The following STAG2 variants were observed in gnomAD, a reference collection of about 807,000 sequenced individuals.
The protein encoded by STAG2 is STAG2 cohesin complex component.
In STAG2, 14 loss-of-function variants were observed where a neutral mutation model predicts 108.1. That is an observed-to-expected ratio of 0.13 (90% CI 0.09 to 0.20). The LOEUF (loss-of-function observed/expected upper bound fraction) is 0.20. STAG2 is among the 10% of genes least tolerant of loss of function. STAG2 has a pLI of 1.00. For synonymous variants in STAG2, 307 were observed against 302.7 expected, an observed-to-expected ratio of 1.01 and a Z score of -0.15; for missense variants, 440 against 940.9, an observed-to-expected ratio of 0.47 and a Z score of 6.96.
chrX:124,076,070 T>C (rs2058794619), intron 25 of STAG2, among the ~76,000 whole-genome samples: 1 of 111,572 alleles, frequency 9.0e-6, no homozygotes, highest in Admixed American at 9.5e-5. Context: ...AGTAGACAAA[T>C]GTTAGGCAAG....
chrX:124,023,319 G>C lies in STAG2; in HGVS notation c.44+648G>C, dbSNP rs141499770. ...CCTTTATTTACCCACCCCCACCACT[G>C]TATTTTTTATTAGGATCTTTATGAG... is the stretch of plus-strand genomic sequence containing the variant. On this transcript the variant is annotated intron_variant, in intron 3 of 34. Coordinates refer to ENST00000371145, the MANE Select transcript of STAG2 (RefSeq NM_001042750.2). Among the ~76,000 whole-genome samples the C allele has an allele frequency of 5.7e-3, 630 of 110,709 alleles. 9 individuals are homozygous for C. Among genetic ancestry groups the C allele is most frequent in the Admixed American group, 0.042 (433 of 10,308 alleles).
chrX:123,976,637 A>G (rs1286930630), intron 1 of STAG2, among the ~76,000 whole-genome samples: 1 of 112,081 alleles, frequency 8.9e-6, no homozygotes, highest in African/African-American at 3.2e-5. Flanking sequence ...CATTAATGAT[A>G]AAGTTTGTAT....
chrX:123,964,788 A>G (rs1002066492), intron 1 of STAG2, among the ~76,000 whole-genome samples: 41 of 109,435 alleles, frequency 3.7e-4, no homozygotes, highest in African/African-American at 1.3e-3. Context: ...CTCATGCCCC[A>G]AGGATCTGGT....
In STAG2 at chrX:124,003,963, C is replaced by T. The variant is rs185295316; in HGVS notation, c.-162-17404C>T. ...GTTTATATTGATACTCCTGATGAAA[C>T]ATTTTTTGCTTTAACTTTTTTATGG... On this transcript the variant is annotated intron_variant, in intron 1 of 34. Coordinates refer to ENST00000371145, the MANE Select transcript of STAG2 (RefSeq NM_001042750.2). 4.1e-3 allele frequency among the ~76,000 whole-genome samples: 459 copies of T among 111,337 alleles called. 2 individuals carry two copies. The highest frequency in any genetic ancestry group is 0.014 in the Middle Eastern group (3 of 216).
intron 27 of STAG2, among the ~76,000 whole-genome samples, chrX:124,079,389 T>C (rs1421396335): frequency 8.9e-6 from 1 of 111,838 alleles, no homozygotes; most frequent in Non-Finnish European, 1.9e-5. Context: ...TCCACCTGCC[T>C]CGGCCTCCCA....
At chrX:124,016,086 G>C (rs1358420360) in intron 1 of STAG2, among the ~76,000 whole-genome samples, 1 of 111,946 alleles carries the variant, frequency 8.9e-6, no homozygotes, top group Non-Finnish European at 1.9e-5. Context: ...CATGAAATAT[G>C]AATAGATTTT....
At chrX:124,075,054 C>T (rs1313862841) in intron 25 of STAG2, among the ~76,000 whole-genome samples, 1 of 111,545 alleles carries the variant, frequency 9.0e-6, no homozygotes, top group Non-Finnish European at 1.9e-5. Flanking sequence ...TAAATTCTTA[C>T]TCTTTAAATT....
At chrX:124,019,094 TC>T (rs1453064751) in intron 1 of STAG2, among the ~76,000 whole-genome samples, 1 of 96,118 alleles carries the variant, frequency 1.0e-5, no homozygotes, top group Non-Finnish European at 2.0e-5. Flanking sequence ...GGAGTCTCGC[TC>T]TGTCACCCAG....
At chrX:123,981,773 C>A (rs1256863699) in intron 1 of STAG2, among the ~76,000 whole-genome samples, 1 of 111,197 alleles carries the variant, frequency 9.0e-6, no homozygotes, top group Non-Finnish European at 1.9e-5. Flanking sequence ...AAAAGAGGGG[C>A]CTGGTTCTTG....
chrX:124,076,417 A>G lies in STAG2; in HGVS notation c.2619A>G (p.Val873=), dbSNP rs764226360. The G allele has an allele frequency of 1.7e-6, 2 of 1,207,372 alleles. No homozygotes were observed. Among genetic ancestry groups the G allele is most frequent in the Non-Finnish European group, 1.1e-6 (1 of 893,420 alleles). ...NLLAAFCKLI[V]YTVVEMNTAA... is the part of the protein sequence containing the mutation. ...TTGCAGCATTTTGTAAGCTAATTGT[A>G]TATACTGTGGTGGAGATGAATACAG... is the stretch of plus-strand genomic sequence containing the variant. The change falls in exon 26 of 35, where the codon GTA becomes GTG. Residue 873 remains valine, a synonymous_variant. Transcript: ENST00000371145.
At chrX:124,005,809 T>C (rs1326919180) in intron 1 of STAG2, among the ~76,000 whole-genome samples, 1 of 111,318 alleles carries the variant, frequency 9.0e-6, no homozygotes, top group African/African-American at 3.3e-5. Context: ...CAGAAATTTA[T>C]TGTTCTGGAG....
Position 124,061,433 on chromosome X carries a change from A to G in STAG2, c.1534+92A>G, listed in dbSNP as rs1028174184. The stretch of plus-strand genomic sequence containing the variant: ...TTATTTGTCCTTTTAGTTTTAAGAC[A>G]ATTTGATAGAAAAATCTTACTTCGT... On this transcript the variant is annotated intron_variant, in intron 16 of 34. Transcript: ENST00000371145. 11 of 646,745 alleles carry G rather than the reference A, an allele frequency of 1.7e-5. No individual in the cohort carries two copies. In the Admixed American group the frequency reaches 3.0e-4, roughly 18 times the overall value. 53.3% of individuals were successfully genotyped at this position (646,745 alleles called of 1,213,427 possible). A position where few individuals can be genotyped will look rare whatever the true frequency, so the allele number is the denominator to read the frequency against.
chrX:124,092,472 A>G (rs942174366), intron 32 of STAG2, among the ~76,000 whole-genome samples: 3 of 111,913 alleles, frequency 2.7e-5, no homozygotes, highest in Admixed American at 9.5e-5. Context: ...ATCTCTCCCC[A>G]TAAAACATTA....
chrX:124,042,817 G>A (rs1324021959), intron 7 of STAG2, among the ~76,000 whole-genome samples, 172 bp downstream of exon 7: 8 of 110,086 alleles, frequency 7.3e-5, no homozygotes, highest in Admixed American at 9.7e-5. Context: ...TTCGAGACCA[G>A]CTTGACCAAT....
chrX:124,047,641 C>T, intron 9 of STAG2, 136 bp downstream of exon 9: 1 of 547,727 alleles, frequency 1.8e-6, no homozygotes, highest in Non-Finnish European at 2.9e-6. Context: ...ACTATTTGCC[C>T]AACAAAATTC....
At chrX:124,029,959 C>CGCGCGT (rs1415700897) in intron 4 of STAG2, among the ~76,000 whole-genome samples, 1 of 110,366 alleles carries the variant, frequency 9.1e-6, no homozygotes, top group Non-Finnish European at 1.9e-5. Flanking sequence ...TGCCCCTACC[C>CGCGCGT]GCGCGTCCCC....
Position 124,016,286 on chromosome X carries a change from C to T in STAG2, c.-162-5081C>T, listed in dbSNP as rs1191010593. 1.5e-4 allele frequency among the ~76,000 whole-genome samples: 17 copies of T among 111,010 alleles called. No homozygotes were observed. The South Asian group carries it at 1.9e-3, about 12-fold the overall frequency. On this transcript the variant is annotated intron_variant, in intron 1 of 34. Coordinates refer to ENST00000371145, the MANE Select transcript of STAG2 (RefSeq NM_001042750.2). ...TCTCAAGTAGCTGGGACTATAGGCACGCGCCACCATGCCCAGCTAGTAGTT... is the reference window on the plus strand; with the variant it reads ...TCTCAAGTAGCTGGGACTATAGGCATGCGCCACCATGCCCAGCTAGTAGTT...
chrX:124,045,598 T>C (rs2057848459), intron 8 of STAG2, among the ~76,000 whole-genome samples: 1 of 111,455 alleles, frequency 9.0e-6, no homozygotes, highest in Admixed American at 9.6e-5. Context: ...TCTTGTATAC[T>C]ATGCATACTG....
chrX:124,044,921 G>T (rs2057831782), intron 7 of STAG2, among the ~76,000 whole-genome samples: 1 of 111,180 alleles, frequency 9.0e-6, no homozygotes, highest in African/African-American at 3.3e-5. Context: ...TGAGTAATTG[G>T]TATATATTTT....
Sources: gnomAD v4.1 joint callset for allele counts (sites outside exome capture counted in the v4.1 genomes callset) on GRCh38, gnomAD v4.1.1 for gene constraint, MANE v1.5 for transcripts, NCBI Gene and HGNC (gene_info 2026-07-23, HGNC 2026-07-21) for gene names.